The following MYO3A variants were observed in gnomAD, a reference collection of about 807,000 sequenced individuals.
MYO3A encodes myosin IIIA, also known as myosin-IIIa.
MYO3A carries 180 observed loss-of-function variants against 192.7 expected under a neutral mutation model. The ratio of observed to expected loss-of-function variants is 0.93; its 90% confidence interval spans 0.83 to 1.06. MYO3A has a LOEUF of 1.06. Ranked by LOEUF, MYO3A falls within the 50% of genes least tolerant of loss-of-function variation. The pLI, the probability that MYO3A is intolerant of heterozygous loss-of-function variation, is 0.00. For synonymous variants in MYO3A, 628 were observed against 645.3 expected, an observed-to-expected ratio of 0.97 and a Z score of 0.41; for missense variants, 1,896 against 1,905.0, an observed-to-expected ratio of 1.00 and a Z score of 0.09.
chr10:26,174,389 G>A lies in MYO3A; in HGVS notation c.4125G>A (p.Lys1375=), dbSNP rs1842208966. 1.9e-6 allele frequency: 3 copies of A among 1,614,064 alleles called. No homozygotes were observed. Among genetic ancestry groups the A allele is most frequent in the Admixed American group, 1.7e-5 (1 of 60,000 alleles). Residue 1375 remains lysine, a synonymous_variant, in exon 30 of 35, where the codon AAG becomes AAA. Coordinates refer to ENST00000642920, the MANE Select transcript of MYO3A (RefSeq NM_017433.5). ...GGAAGGACAAGATGTCTTCTTTTAA[G>A]CATCAGAGGATTGTCACAACACCAA... ...QLRKDKMSSF[K]HQRIVTTPTE...
At chr10:26,095,133 A>G (rs576019264) in intron 15 of MYO3A, among the ~76,000 whole-genome samples, 9 of 152,290 alleles carry the variant, frequency 5.9e-5, no homozygotes, top group Admixed American at 2.6e-4. Context: ...AGTGGCAGGA[A>G]GGGGAGTATC....
rs753362191 is a variant in MYO3A at position 26,202,985 on chromosome 10, G to A, written c.4608G>A (p.Leu1536=). The A allele has an allele frequency of 1.2e-6, 2 of 1,613,604 alleles. No individual in the cohort carries two copies. The highest frequency in any genetic ancestry group is 1.7e-6 in the Non-Finnish European group (2 of 1,179,714). Residue 1536 remains leucine, a synonymous_variant, in exon 34 of 35, where the codon TTG becomes TTA. Transcript: ENST00000642920. ...RKDSQGKLLD[L]EDFYYKEFLP... ...ACAGTCAGGGAAAATTATTAGATTT[G>A]GAAGATTTCTATTATAAGGAATTTT...
intron 34 of MYO3A, 94 bp from the exon 35 acceptor site, chr10:26,211,749 G>A: frequency 1.3e-6 from 2 of 1,574,040 alleles, no homozygotes; most frequent in Middle Eastern, 1.9e-4. Context: ...TTGGCAGAAC[G>A]TGGGAGGAAG....
chr10:26,065,935 G>C lies in MYO3A; in HGVS notation c.954-1040G>C, dbSNP rs1834809840. ...GATCGAGACCATCCTGGCTAACACG[G>C]TGAAACCCCGTCTCTACTAAAAATA... On this transcript the variant is annotated intron_variant, in intron 10 of 34. Coordinates refer to ENST00000642920, the MANE Select transcript of MYO3A (RefSeq NM_017433.5). Among the ~76,000 whole-genome samples, 2 of 57,952 alleles carry C rather than the reference G, an allele frequency of 3.5e-5. 1 individual carries two copies. Among genetic ancestry groups the C allele is most frequent in the African/African-American group, 9.9e-5 (2 of 20,264 alleles). The allele number at this position is 57,952 out of a possible 152,430, so 38.0% of individuals were successfully genotyped here.
intron 18 of MYO3A, among the ~76,000 whole-genome samples, chr10:26,123,263 A>G (rs1838986238): frequency 6.6e-6 from 1 of 152,212 alleles, no homozygotes; most frequent in East Asian, 1.9e-4. Flanking sequence ...AAAAGAAAGC[A>G]TAAATAAAAT....
chr10:25,946,382 G>GT (rs145578968), intron 2 of MYO3A, among the ~76,000 whole-genome samples: 8,548 of 152,078 alleles, frequency 0.056, 298 homozygotes, highest in African/African-American at 0.084. Context: ...CAGTTGACAG[G>GT]TTTTTATCTT....
chr10:26,201,340 T>A (rs1201903888), intron 33 of MYO3A, 35 bp downstream of exon 33: 2 of 1,467,522 alleles, frequency 1.4e-6, no homozygotes, highest in South Asian at 2.4e-5. Context: ...TCAGTCATCT[T>A]ATTCAAACAA....
intron 17 of MYO3A, among the ~76,000 whole-genome samples, chr10:26,109,371 T>C (rs1018281386): frequency 2.6e-5 from 4 of 152,210 alleles, no homozygotes; most frequent in African/African-American, 9.6e-5. Flanking sequence ...CAGAAAATTC[T>C]AGAAATAAAC....
At chr10:26,120,184 AC>A (rs1197840202) in intron 17 of MYO3A, among the ~76,000 whole-genome samples, 1 of 151,844 alleles carries the variant, frequency 6.6e-6, no homozygotes, top group African/African-American at 2.4e-5. Context: ...AAAAAATCTT[AC>A]GCTTACATTT....
In MYO3A at chr10:26,201,097, C is replaced by T. The variant is rs144641808; in HGVS notation, c.4546-168C>T. On this transcript the variant is annotated intron_variant, in intron 32 of 34. Transcript: ENST00000642920. ...AACCAGAAATTTATAATTAATAAAA[C>T]TTGAGTAAATTATATTTCTTTAAAT... 687 of 304,844 alleles carry T rather than the reference C, an allele frequency of 2.3e-3. 8 individuals carry two copies. The highest frequency in any genetic ancestry group is 0.014 in the African/African-American group (640 of 45,514). The allele number at this position is 304,844 out of a possible 1,614,324, so 18.9% of individuals were successfully genotyped here. A position where few individuals can be genotyped will look rare whatever the true frequency, so the allele number is the denominator to read the frequency against.
At chr10:26,079,311 A>T (rs1293203349) in intron 14 of MYO3A, among the ~76,000 whole-genome samples, 1 of 152,098 alleles carries the variant, frequency 6.6e-6, no homozygotes, top group Non-Finnish European at 1.5e-5. Flanking sequence ...ATATAATAAT[A>T]GCTACCCCTG....
At chr10:26,045,757 C>G (rs1471008284) in intron 10 of MYO3A, among the ~76,000 whole-genome samples, 2 of 152,180 alleles carry the variant, frequency 1.3e-5, no homozygotes, top group Admixed American at 1.3e-4. Context: ...ACCCACCTTT[C>G]TGTCTTGGGG....
intron 10 of MYO3A, among the ~76,000 whole-genome samples, chr10:26,032,345 C>T (rs750420665): frequency 1.1e-4 from 17 of 151,894 alleles, no homozygotes; most frequent in African/African-American, 1.7e-4. Flanking sequence ...GGCCAGGTGC[C>T]GTGGCTCACG....
In MYO3A at chr10:26,173,868, C is replaced by T; in HGVS notation, c.3604C>T (p.Gln1202Ter). ...MNNVYEEEVKQEFYLVGPEVS... is the reference protein window; with the variant it reads ...MNNVYEEEVK ...TAATGTGTATGAGGAAGAGGTTAAG[C>T]AAGAATTCTACCTTGTAGGGCCAGA... The change falls in exon 30 of 35, where the codon CAA (glutamine) becomes TAA (stop). Residue 1202 changes from glutamine to a stop codon, truncating the protein, a stop_gained. Coordinates refer to ENST00000642920, the MANE Select transcript of MYO3A (RefSeq NM_017433.5). LOFTEE classifies it high-confidence loss of function. 5 of 1,613,946 alleles carry T rather than the reference C, an allele frequency of 3.1e-6. No homozygotes were observed. Among genetic ancestry groups the T allele is most frequent in the South Asian group, 1.1e-5 (1 of 91,084 alleles).
intron 3 of MYO3A, among the ~76,000 whole-genome samples, chr10:25,954,268 G>A (rs893187227): frequency 1.3e-5 from 2 of 151,984 alleles, no homozygotes; most frequent in Non-Finnish European, 2.9e-5. Flanking sequence ...TCATATATAT[G>A]CGATTTTCTA....
Position 26,033,776 on chromosome 10 carries a change from G to A in MYO3A, c.953+7244G>A, listed in dbSNP as rs184453904. Among the ~76,000 whole-genome samples the A allele has an allele frequency of 2.6e-5, 4 of 152,270 alleles. No individual in the cohort carries two copies. In the East Asian group the frequency reaches 7.7e-4, roughly 29 times the overall value. On this transcript the variant is annotated intron_variant, in intron 10 of 34. Coordinates refer to ENST00000642920, the MANE Select transcript of MYO3A (RefSeq NM_017433.5). ...AGGGGCAGGAGGGCTTATCCAGGAG[G>A]TCGCCTTTGAATCAGCACCATGAGG...
At chr10:26,166,327 A>T (rs1416684590) in intron 27 of MYO3A, 149 bp downstream of exon 27, 1 of 740,936 alleles carries the variant, frequency 1.3e-6, no homozygotes, top group East Asian at 2.7e-5. Flanking sequence ...AAACTCATAA[A>T]GATTTTCTTT....
intron 4 of MYO3A, among the ~76,000 whole-genome samples, chr10:25,986,167 T>C (rs1010841811): frequency 1.3e-5 from 2 of 152,150 alleles, no homozygotes; most frequent in African/African-American, 4.8e-5. Context: ...CCTTTATGAT[T>C]AAAGCCCTCA....
chr10:25,975,743 GA>G (rs1838925959), intron 4 of MYO3A, among the ~76,000 whole-genome samples: 1 of 152,008 alleles, frequency 6.6e-6, no homozygotes, highest in Admixed American at 6.6e-5. Flanking sequence ...TTTATTTCAG[GA>G]GTGAGTGCAA....
Sources: gnomAD v4.1 joint callset for allele counts (sites outside exome capture counted in the v4.1 genomes callset) on GRCh38, gnomAD v4.1.1 for gene constraint, MANE v1.5 for transcripts, NCBI Gene and HGNC (gene_info 2026-07-23, HGNC 2026-07-21) for gene names.